MEGF6: variants seen among roughly 807,000 people sequenced by gnomAD.
The protein encoded by MEGF6 is multiple epidermal growth factor-like domains protein 6.
MEGF6 carries 184 observed loss-of-function variants against 207.1 expected under a neutral mutation model. The ratio of observed to expected loss-of-function variants is 0.89; its 90% CI spans 0.79 to 1.00. The LOEUF (loss-of-function observed/expected upper bound fraction) is 1.00. Ranked by LOEUF, MEGF6 falls within the 50% of genes least tolerant of loss-of-function variation. The pLI, the probability that MEGF6 is intolerant of heterozygous loss-of-function variation, is 0.00. For synonymous variants in MEGF6, 1,038 were observed against 910.0 expected (o/e 1.14, Z -2.53); for missense variants, 2,282 against 2,202.9 (o/e 1.04, Z -0.72).
At chr1:3,508,126 G>A (rs1029744930) in intron 13 of MEGF6, among the ~76,000 whole-genome samples, 7 of 152,134 alleles carry the variant, frequency 4.6e-5, no homozygotes, top group Non-Finnish European at 1.0e-4. Context: ...GCAGAGAGAG[G>A]AGTCTCCTCC....
Position 3,488,453 on chromosome 1 carries a change from A to G in MEGF6, c.*2075T>C, listed in dbSNP as rs1640227265. Among the ~76,000 whole-genome samples, 1 of 152,216 alleles carries G rather than the reference A, an allele frequency of 6.6e-6. No individual in the cohort carries two copies. Among genetic ancestry groups the G allele is most frequent in the Non-Finnish European group, 1.5e-5 (1 of 68,034 alleles). On this transcript the variant is annotated 3_prime_UTR_variant, in exon 37 of 37. Transcript: ENST00000356575. Reference sequence around the variant, plus strand: ...TGATATTCTGACTCTCTGAATTCCTAGGCCATTTGGGAACTGTGGTGACTG... The same window carrying G: ...TGATATTCTGACTCTCTGAATTCCTGGGCCATTTGGGAACTGTGGTGACTG...
Position 3,499,220 on chromosome 1 carries a change from G to C in MEGF6, c.3012C>G (p.Ala1004=), listed in dbSNP as rs919239494. 1 of 1,606,052 alleles carries C rather than the reference G, an allele frequency of 6.2e-7. No homozygotes were observed. Among genetic ancestry groups the C allele is most frequent in the Non-Finnish European group, 8.5e-7 (1 of 1,177,458 alleles). Residue 1004 remains alanine, a synonymous_variant, in exon 24 of 37, where the codon GCC becomes GCG. Transcript: ENST00000356575. Reference sequence around the variant, plus strand: ...GGTCACAGGAGGCCCCGTTAAAGCAGGCACAGGCCTGGCTGCAATTGTGCC... The same window carrying C: ...GGTCACAGGAGGCCCCGTTAAAGCACGCACAGGCCTGGCTGCAATTGTGCC... ...TYGHNCSQAC[A]CFNGASCDPV...
intron 18 of MEGF6, 132 bp from the exon 19 acceptor site, chr1:3,501,440 G>A: frequency 7.5e-7 from 1 of 1,329,942 alleles, no homozygotes; most frequent in Non-Finnish European, 1.0e-6. Context: ...CCTGCCCCGG[G>A]GAGGGGAGAG....
intron 4 of MEGF6, among the ~76,000 whole-genome samples, chr1:3,578,776 C>G (rs1329265144): frequency 1.3e-5 from 2 of 150,944 alleles, no homozygotes; most frequent in African/African-American, 4.9e-5. Flanking sequence ...GGAGACCCAG[C>G]ACCTCTGCAG....
chr1:3,598,499 A>G (rs907232002), intron 2 of MEGF6, among the ~76,000 whole-genome samples: 1 of 76,468 alleles, frequency 1.3e-5, no homozygotes, highest in African/African-American at 3.3e-5. Context: ...CGTGGTAAAT[A>G]TTTATCCCCT....
intron 4 of MEGF6, among the ~76,000 whole-genome samples, chr1:3,539,338 C>T (rs1022839353): frequency 6.6e-6 from 1 of 151,528 alleles, no homozygotes; most frequent in Non-Finnish European, 1.5e-5. Flanking sequence ...GGGGAGGGGC[C>T]GGGGTGGCTG....
intron 4 of MEGF6, among the ~76,000 whole-genome samples, chr1:3,568,712 C>T (rs184425881): frequency 1.1e-4 from 16 of 152,266 alleles, no homozygotes; most frequent in East Asian, 3.9e-4. Flanking sequence ...CCCCTCCTGA[C>T]GGTGGGTTTC....
chr1:3,497,213 G>A lies in MEGF6; in HGVS notation c.3481+20C>T. On this transcript the variant is annotated intron_variant, in intron 27 of 36. Transcript: ENST00000356575. ...CCCCTGCCCAGCCGCTCCTCGGGGT[G>A]GGGGCTTGGGAGCACCTACCCTGCT... 2 of 1,513,272 alleles carry A rather than the reference G, an allele frequency of 1.3e-6. No individual in the cohort carries two copies. Among genetic ancestry groups the A allele is most frequent in the Non-Finnish European group, 8.8e-7 (1 of 1,131,632 alleles). 93.7% of individuals were successfully genotyped at this position (1,513,272 alleles called of 1,614,324 possible). A position where few individuals can be genotyped will look rare whatever the true frequency, so the allele number is the denominator to read the frequency against.
chr1:3,586,114 G>A (rs532325990), intron 3 of MEGF6, among the ~76,000 whole-genome samples: 7 of 141,182 alleles, frequency 5.0e-5, no homozygotes, highest in African/African-American at 1.3e-4. Context: ...TGAGTGACAC[G>A]TGTCCTGTGT....
chr1:3,493,942 C>CGGGG, intron 33 of MEGF6, 43 bp from the exon 34 acceptor site: 1 of 1,582,026 alleles, frequency 6.3e-7, no homozygotes, highest in Non-Finnish European at 8.6e-7. Flanking sequence ...CTGTCCTGCA[C>CGGGG]CCAGACGGGA....
At chr1:3,612,933 G>T (rs1644347507), upstream of MEGF6, among the ~76,000 whole-genome samples, 1 of 152,190 alleles carries the variant, frequency 6.6e-6, no homozygotes, top group Non-Finnish European at 1.5e-5. Flanking sequence ...TCACAGGAGG[G>T]GGAGCACCCC....
chr1:3,531,212 G>A lies in MEGF6; in HGVS notation c.482-6966C>T, dbSNP rs532690900. The A allele has an allele frequency of 6.6e-5, 98 of 1,495,348 alleles. No individual in the cohort carries two copies. The African/African-American group carries it at 1.3e-3, about 19-fold the overall frequency. 92.6% of individuals were successfully genotyped at this position (1,495,348 alleles called of 1,614,324 possible). ...CCCCCCAGGAGCCCAAGGCACCAGAGCGCGGCCAGCCCGCGGTCCCGGGAC... is the reference window on the plus strand; with the variant it reads ...CCCCCCAGGAGCCCAAGGCACCAGAACGCGGCCAGCCCGCGGTCCCGGGAC... On this transcript the variant is annotated intron_variant, in intron 4 of 36. Transcript: ENST00000356575.
chr1:3,561,629 C>T (rs1200665023), intron 4 of MEGF6, among the ~76,000 whole-genome samples: 1 of 152,132 alleles, frequency 6.6e-6, no homozygotes, highest in Non-Finnish European at 1.5e-5. Context: ...AAGTCAGGTG[C>T]GGCTGATGAC....
chr1:3,585,978 ACG>A (rs1389113487), intron 3 of MEGF6, among the ~76,000 whole-genome samples: 57 of 116,436 alleles, frequency 4.9e-4, no homozygotes, highest in African/African-American at 2.2e-3. Flanking sequence ...GGGTGTGTGG[ACG>A]CATGTCCTGT....
At chr1:3,580,322 C>T (rs111468489) in intron 3 of MEGF6, among the ~76,000 whole-genome samples, 2,024 of 152,156 alleles carry the variant, frequency 0.013, 43 homozygotes, top group African/African-American at 0.046. Flanking sequence ...CTGCAAGGGC[C>T]GGCTGAGGAC....
At chr1:3,514,756 C>G (rs931458935) in intron 6 of MEGF6, 84 bp from the exon 7 acceptor site, 177 of 1,406,608 alleles carry the variant, frequency 1.3e-4, no homozygotes, top group Non-Finnish European at 1.6e-4. Context: ...TCTTGTGAGA[C>G]CCCTCACCCA....
intron 24 of MEGF6, 141 bp downstream of exon 24, chr1:3,498,997 C>A: frequency 2.8e-6 from 4 of 1,410,976 alleles, no homozygotes; most frequent in Non-Finnish European, 3.8e-6. Flanking sequence ...TGGAGAGGGG[C>A]ACAGGTGAAA....
chr1:3,581,130 G>C (rs886464277), intron 3 of MEGF6, among the ~76,000 whole-genome samples: 2 of 152,106 alleles, frequency 1.3e-5, no homozygotes, highest in Non-Finnish European at 2.9e-5. Context: ...TGACCGGCTC[G>C]GGCTTCAGGG....
intron 1 of MEGF6, among the ~76,000 whole-genome samples, chr1:3,606,954 G>A (rs928655434): frequency 1.2e-4 from 18 of 152,250 alleles, no homozygotes; most frequent in African/African-American, 1.7e-4. Flanking sequence ...GTTTTCAACA[G>A]ACACCCCAGG....
Sources: gnomAD v4.1 joint callset for allele counts (sites outside exome capture counted in the v4.1 genomes callset) on GRCh38, gnomAD v4.1.1 for gene constraint, MANE v1.5 for transcripts, NCBI Gene and HGNC (gene_info 2026-07-23, HGNC 2026-07-21) for gene names.